Variants in PACSIN1 observed in about 807,000 individuals in gnomAD.
PACSIN1 encodes protein kinase C and casein kinase substrate in neurons 1.
A neutral mutation model predicts 59.5 loss-of-function variants in PACSIN1; 15 were observed. The ratio of observed to expected loss-of-function variants is 0.25; its 90% CI spans 0.17 to 0.39. PACSIN1 has a LOEUF of 0.39. Ranked by LOEUF, PACSIN1 falls within the 10% of genes least tolerant of loss-of-function variation. The pLI is 1.00. For missense variants in PACSIN1, 420 were observed against 580.2 expected (o/e 0.72, Z 2.84); for synonymous variants, 210 against 220.6 (o/e 0.95, Z 0.42).
intron 1 of PACSIN1, among the ~76,000 whole-genome samples, chr6:34,482,567 T>C (rs77192907): frequency 0.011 from 1,690 of 152,332 alleles, 42 homozygotes; most frequent in East Asian, 0.094. Flanking sequence ...TTATGAATAA[T>C]ACTTCTAAGA....
chr6:34,531,675 C>A lies in PACSIN1; in HGVS notation c.1113C>A (p.Gly371=). Residue 371 remains glycine (G), a synonymous_variant, in exon 9 of 10, where the codon GGC becomes GGA. Coordinates refer to ENST00000244458, the MANE Select transcript of PACSIN1 (RefSeq NM_020804.5). This position sits in a 1 kb window ranked among gnomAD's most constrained non-coding sequence, Gnocchi z 4.4. ...SDDESGNPFG[G]SETNGGANPF... is the part of the protein sequence containing the mutation. ...ACGAGAGTGGGAACCCCTTTGGGGG[C>A]AGTGAGACCAACGGGGGCGCCAACC... 6.2e-7 allele frequency: 1 copy of A among 1,613,862 alleles called. No homozygotes were observed. Among genetic ancestry groups the A allele is most frequent in the Non-Finnish European group, 8.5e-7 (1 of 1,179,962 alleles).
chr6:34,496,911 A>T, intron 1 of PACSIN1, among the ~76,000 whole-genome samples: 1 of 148,096 alleles, frequency 6.8e-6, no homozygotes. Context: ...AAAAATAGAG[A>T]TAATGATATG....
At chr6:34,472,511 C>T (rs1378724256) in intron 1 of PACSIN1, among the ~76,000 whole-genome samples, 4 of 152,090 alleles carry the variant, frequency 2.6e-5, no homozygotes, top group Non-Finnish European at 5.9e-5. Context: ...TATCATTACT[C>T]ATGAAGAAAA....
chr6:34,471,839 C>G (rs1766574630), intron 1 of PACSIN1, among the ~76,000 whole-genome samples: 1 of 152,180 alleles, frequency 6.6e-6, no homozygotes, highest in Non-Finnish European at 1.5e-5. Context: ...GGACCAGTGA[C>G]AAAGTCAAGA....
rs1241977932 is a variant in PACSIN1 at position 34,521,482 on chromosome 6, C to G, written c.-63-4761C>G. Among the ~76,000 whole-genome samples the G allele has an allele frequency of 6.6e-6, 1 of 152,166 alleles. No homozygotes were observed. The highest frequency in any genetic ancestry group is 2.4e-5 in the African/African-American group (1 of 41,436). On this transcript the variant is annotated intron_variant, in intron 1 of 9. Transcript: ENST00000244458. The surrounding 1 kb of genome is among the most constrained non-coding windows in gnomAD (Gnocchi z 4.3). ...AGGCAGCTTTCAGGAGATGCCTGGG[C>G]CTGAGGAGAGATGCCCTCCACGCTG...
In PACSIN1 at chr6:34,514,116, A is replaced by G. The variant is rs1004220204; in HGVS notation, c.-63-12127A>G. On this transcript the variant is annotated intron_variant, in intron 1 of 9. Coordinates refer to ENST00000244458, the MANE Select transcript of PACSIN1 (RefSeq NM_020804.5). The surrounding 1 kb of genome is among the most constrained non-coding windows in gnomAD (Gnocchi z 4.4). Reference sequence around the variant, plus strand: ...AAGATACACAGACTTGTGGAAATGCATGTGTGCAAATATATGTAATGGGCG... The same window carrying G: ...AAGATACACAGACTTGTGGAAATGCGTGTGTGCAAATATATGTAATGGGCG... 5.9e-5 allele frequency among the ~76,000 whole-genome samples: 9 copies of G among 152,232 alleles called. No homozygotes were observed. Among genetic ancestry groups the G allele is most frequent in the Non-Finnish European group, 8.8e-5 (6 of 68,042 alleles).
intron 1 of PACSIN1, among the ~76,000 whole-genome samples, chr6:34,490,193 G>A (rs1184980786): frequency 6.6e-6 from 1 of 150,954 alleles, no homozygotes; most frequent in Non-Finnish European, 1.5e-5. Flanking sequence ...TGGGACAACA[G>A]GCATGCACCA....
At chr6:34,500,307 A>T (rs1305294948) in intron 1 of PACSIN1, among the ~76,000 whole-genome samples, 1 of 152,230 alleles carries the variant, frequency 6.6e-6, no homozygotes, top group Non-Finnish European at 1.5e-5. Context: ...CGCAAATAAA[A>T]ATAATAAAAT....
intron 1 of PACSIN1, among the ~76,000 whole-genome samples, chr6:34,519,012 G>C (rs1447751494): frequency 4.6e-5 from 7 of 152,154 alleles, no homozygotes; most frequent in Non-Finnish European, 5.9e-5. Flanking sequence ...TTCTGGAGGA[G>C]AGAGAGAGGG....
In PACSIN1 at chr6:34,515,847, C is replaced by G. The variant is rs966407439; in HGVS notation, c.-63-10396C>G. On this transcript the variant is annotated intron_variant, in intron 1 of 9. Transcript: ENST00000244458. The surrounding 1 kb of genome is among the most constrained non-coding windows in gnomAD (Gnocchi z 4.4). ...GACAGACTCGCTGCTGCTGGGGGAG[C>G]TCTTGGGCACTGCCACTGCGGAGGA... is the stretch of plus-strand genomic sequence containing the variant. Among the ~76,000 whole-genome samples the G allele has an allele frequency of 1.3e-5, 2 of 152,140 alleles. No individual in the cohort carries two copies. Among genetic ancestry groups the G allele is most frequent in the Non-Finnish European group, 2.9e-5 (2 of 68,016 alleles).
At chr6:34,504,542 C>T (rs965008669) in intron 1 of PACSIN1, among the ~76,000 whole-genome samples, 2 of 152,074 alleles carry the variant, frequency 1.3e-5, no homozygotes, top group Non-Finnish European at 2.9e-5. Context: ...CCACCTGCCT[C>T]GGCTTCCCCA....
rs548923218 is a variant in PACSIN1 at position 34,533,666 on chromosome 6, G to A, written c.*1136G>A. On this transcript the variant is annotated 3_prime_UTR_variant, in exon 10 of 10. Coordinates refer to ENST00000244458, the MANE Select transcript of PACSIN1 (RefSeq NM_020804.5). The stretch of plus-strand genomic sequence containing the variant: ...GTGCCTCCAGCCTGAGACATCAGGG[G>A]AGAGCCTGCAGCTGAGTTCAGCAGA... The A allele has an allele frequency of 6.6e-6, 1 of 152,458 alleles. No individual in the cohort carries two copies. The highest frequency in any genetic ancestry group is 1.9e-4 in the East Asian group (1 of 5,186). The allele number at this position is 152,458 out of a possible 1,614,324, so 9.4% of individuals were successfully genotyped here.
intron 2 of PACSIN1, among the ~76,000 whole-genome samples, chr6:34,526,792 C>A (rs1767492472): frequency 6.6e-6 from 1 of 152,150 alleles, no homozygotes; most frequent in East Asian, 1.9e-4. Context: ...GGAGGCACAG[C>A]CAGAAGCCAG....
At chr6:34,498,564 G>A (rs976818257) in intron 1 of PACSIN1, among the ~76,000 whole-genome samples, 4 of 152,012 alleles carry the variant, frequency 2.6e-5, no homozygotes, top group African/African-American at 4.8e-5. Context: ...TTGGGAGGCC[G>A]AGGCAGGTGG....
rs549570195 is a variant in PACSIN1, at chr6:34,473,208, A to C, written c.-64+6938A>C. On this transcript the variant is annotated intron_variant, in intron 1 of 9. Transcript: ENST00000244458. ...GCAGACCTGGAAGGAAAGGCTGGTC[A>C]GATCCAGAGACGGGGCGGGGGGCGG... Among the ~76,000 whole-genome samples, 401 of 119,208 alleles carry C rather than the reference A, an allele frequency of 3.4e-3. 6 individuals are homozygous for C. The highest frequency in any genetic ancestry group is 0.012 in the African/African-American group (378 of 31,366). 78.2% of individuals were successfully genotyped at this position (119,208 alleles called of 152,430 possible). A position where few individuals can be genotyped will look rare whatever the true frequency, so the allele number is the denominator to read the frequency against.
intron 1 of PACSIN1, among the ~76,000 whole-genome samples, chr6:34,509,548 G>A (rs1443975529): frequency 1.3e-5 from 2 of 151,416 alleles, no homozygotes; most frequent in African/African-American, 2.4e-5. Flanking sequence ...GCTATTTTGG[G>A]GACCTTTGTG....
rs867437351 is a variant in PACSIN1, at chr6:34,521,163, C to T, written c.-63-5080C>T. 2.8e-4 allele frequency among the ~76,000 whole-genome samples: 42 copies of T among 152,162 alleles called. No individual in the cohort carries two copies. Among genetic ancestry groups the T allele is most frequent in the African/African-American group, 7.5e-4 (31 of 41,434 alleles). Reference sequence around the variant, plus strand: ...TGACATTCCTGTGGGAAGGAGGACACGCAACGTGATGAATGCCGTGCTGTG... The same window carrying T: ...TGACATTCCTGTGGGAAGGAGGACATGCAACGTGATGAATGCCGTGCTGTG... On this transcript the variant is annotated intron_variant, in intron 1 of 9. Transcript: ENST00000244458. The surrounding 1 kb of genome is among the most constrained non-coding windows in gnomAD (Gnocchi z 4.3).
chr6:34,492,893 T>C (rs1224757668), intron 1 of PACSIN1, among the ~76,000 whole-genome samples: 1 of 152,210 alleles, frequency 6.6e-6, no homozygotes, highest in Admixed American at 6.5e-5. Context: ...TATATACCCA[T>C]GTAACAAACC....
At chr6:34,502,321 T>C (rs927631572) in intron 1 of PACSIN1, among the ~76,000 whole-genome samples, 1 of 152,076 alleles carries the variant, frequency 6.6e-6, no homozygotes, top group African/African-American at 2.4e-5. Flanking sequence ...TCTAAGTGGG[T>C]CCAGCTATTG....
Sources: gnomAD v4.1 joint callset for allele counts (sites outside exome capture counted in the v4.1 genomes callset) on GRCh38, gnomAD v4.1.1 for gene constraint, Gnocchi (gnomAD v3.1) non-coding constraint, MANE v1.5 for transcripts, NCBI Gene and HGNC (gene_info 2026-07-23, HGNC 2026-07-21) for gene names.